Variants in FANCA observed in about 807,000 individuals in gnomAD.
FANCA encodes the protein FA complementation group A, also known as Fanconi anemia group A protein.
A neutral mutation model predicts 194.3 loss-of-function variants in FANCA; 236 were observed. The observed-to-expected ratio is 1.21, with a 90% CI of 1.09 to 1.35. The LOEUF (loss-of-function observed/expected upper bound fraction) is 1.35, where lower values mean the gene tolerates loss of function less well. Ranked by LOEUF, FANCA falls within the 40% of genes most tolerant of loss-of-function variation. The pLI is 0.00. For missense variants in FANCA, 2,628 were observed against 1,813.9 expected, an observed-to-expected ratio of 1.45 and a Z score of -8.15; for synonymous variants, 1,014 against 715.8, an observed-to-expected ratio of 1.42 and a Z score of -6.65.
At chr16:89,739,627 G>C in intron 39 of FANCA, 74 bp from the exon 40 acceptor site, 1 of 1,521,540 alleles carries the variant, frequency 6.6e-7, no homozygotes, top group East Asian at 2.5e-5. Context: ...CACCCCTGGG[G>C]GTCGGGACGT....
rs773381553 is a variant in FANCA, at chr16:89,761,992, G to C, written c.2809C>G (p.Leu937Val). The change falls in exon 29 of 43, where the codon CTG (leucine) becomes GTG (valine). Residue 937 changes from leucine (L) to valine (V), a missense_variant. Leu to Val is a conservative substitution (Grantham distance 32). Coordinates refer to ENST00000389301, the MANE Select transcript of FANCA (RefSeq NM_000135.4). ...GCATCAGCTTCAGGTTGAATTTCCA[G>C]CTCCAGGTGTAACCAGTCTTGGTAA... is the stretch of plus-strand genomic sequence containing the variant. ...LTYQDWLHLE[L>V]EIQPEADALS... is the part of the protein sequence containing the mutation. 5 of 1,613,910 alleles carry C rather than the reference G, an allele frequency of 3.1e-6. No individual in the cohort carries two copies. Among genetic ancestry groups the C allele is most frequent in the East Asian group, 2.2e-5 (1 of 44,898 alleles).
chr16:89,810,516 CA>C (rs951743833), intron 5 of FANCA, 190 bp downstream of exon 5: 1 of 604,086 alleles, frequency 1.7e-6, no homozygotes, highest in African/African-American at 1.9e-5. Context: ...TGAATAGGGA[CA>C]AAAAATGGCA....
At chr16:89,763,081 A>G (rs1247063698) in intron 28 of FANCA, among the ~76,000 whole-genome samples, 1 of 151,074 alleles carries the variant, frequency 6.6e-6, no homozygotes, top group Non-Finnish European at 1.5e-5. Flanking sequence ...CCCCATCTCT[A>G]CTAAAAATAC....
intron 10 of FANCA, among the ~76,000 whole-genome samples, chr16:89,797,901 T>G (rs2040302780): frequency 6.6e-6 from 1 of 151,710 alleles, no homozygotes; most frequent in African/African-American, 2.4e-5. Flanking sequence ...GTCTCAAAAA[T>G]AAATAAATAA....
chr16:89,774,313 C>T (rs1342420484), intron 21 of FANCA, among the ~76,000 whole-genome samples: 2 of 151,964 alleles, frequency 1.3e-5, no homozygotes, highest in Non-Finnish European at 2.9e-5. Context: ...ACAAGTGGAC[C>T]CCAGGGGAAG....
At chr16:89,749,216 TTTG>T (rs17233476) in intron 32 of FANCA, among the ~76,000 whole-genome samples, 27 of 152,016 alleles carry the variant, frequency 1.8e-4, no homozygotes, top group Non-Finnish European at 2.2e-4. Context: ...GCAGGAAGGT[TTTG>T]TTGTTGTTGT....
At chr16:89,803,142 T>C in intron 8 of FANCA, 117 bp downstream of exon 8, 1 of 997,950 alleles carries the variant, frequency 1.0e-6, no homozygotes, top group South Asian at 1.3e-5. Context: ...GTATCACATG[T>C]ACCCCGTAAA....
intron 15 of FANCA, among the ~76,000 whole-genome samples, chr16:89,783,777 T>G (rs2039804307): frequency 6.6e-6 from 1 of 151,994 alleles, no homozygotes; most frequent in Admixed American, 6.6e-5. Context: ...TGTTTTTTTC[T>G]TTTGAGAGGG....
chr16:89,775,321 C>T (rs1168882395), intron 21 of FANCA, among the ~76,000 whole-genome samples: 1 of 152,204 alleles, frequency 6.6e-6, no homozygotes, highest in Non-Finnish European at 1.5e-5. Context: ...GCCAAAAGAG[C>T]CTGACTTCTA....
chr16:89,739,774 G>T, intron 39 of FANCA: 1 of 1,474,296 alleles, frequency 6.8e-7, no homozygotes, highest in Non-Finnish European at 9.0e-7. Context: ...GCAGAGAGAG[G>T]CAGTCCCCAT....
chr16:89,783,508 G>A (rs2039792608), intron 15 of FANCA, among the ~76,000 whole-genome samples: 1 of 150,130 alleles, frequency 6.7e-6, no homozygotes, highest in African/African-American at 2.5e-5. Flanking sequence ...CCGAGATCGC[G>A]CCACTGCACT....
At chr16:89,766,142 G>A (rs574922742) in intron 27 of FANCA, among the ~76,000 whole-genome samples, 31 of 151,668 alleles carry the variant, frequency 2.0e-4, no homozygotes, top group Admixed American at 1.6e-3. Flanking sequence ...GATTACAGGC[G>A]TGCGCCACCA....
chr16:89,777,950 C>T (rs188267484), intron 20 of FANCA, among the ~76,000 whole-genome samples: 52 of 152,030 alleles, frequency 3.4e-4, no homozygotes, highest in South Asian at 1.9e-3. Context: ...TCGCTTGAGC[C>T]CAGGAGTTCA....
rs369086041 is a variant in FANCA, at chr16:89,737,777, C to T, written c.*824G>A. On this transcript the variant is annotated 3_prime_UTR_variant, in exon 43 of 43. Coordinates refer to ENST00000389301, the MANE Select transcript of FANCA (RefSeq NM_000135.4). Reference sequence around the variant, plus strand: ...CCCCGGGAGGTTGGAGCATCAGGGGCCTGGACTCACTGGACTCTCCCCTCT... The same window carrying T: ...CCCCGGGAGGTTGGAGCATCAGGGGTCTGGACTCACTGGACTCTCCCCTCT... 11 of 1,613,882 alleles carry T rather than the reference C, an allele frequency of 6.8e-6. No homozygotes were observed. The highest frequency in any genetic ancestry group is 9.3e-6 in the Non-Finnish European group (11 of 1,179,996).
chr16:89,740,910 G>C, intron 37 of FANCA, 44 bp from the exon 38 acceptor site: 3 of 1,522,006 alleles, frequency 2.0e-6, no homozygotes, highest in African/African-American at 1.4e-5. Flanking sequence ...AAAATTACCT[G>C]TGCTGTCATT....
At chr16:89,744,025 G>A (rs1443709629) in intron 36 of FANCA, among the ~76,000 whole-genome samples, 1 of 151,954 alleles carries the variant, frequency 6.6e-6, no homozygotes, top group Non-Finnish European at 1.5e-5. Context: ...AGCCTCCTGA[G>A]TAGCTGGGAC....
intron 15 of FANCA, among the ~76,000 whole-genome samples, chr16:89,784,280 G>A (rs1445389197): frequency 1.3e-5 from 2 of 151,786 alleles, no homozygotes; most frequent in Non-Finnish European, 2.9e-5. Context: ...GCTGAGGTGG[G>A]AGAACTGCTT....
chr16:89,745,208 C>CG, intron 35 of FANCA, 137 bp from the exon 36 acceptor site: 2 of 806,068 alleles, frequency 2.5e-6, no homozygotes, highest in Non-Finnish European at 4.1e-6. Context: ...AACTCCAAAG[C>CG]CAGTATTTTT....
In FANCA at chr16:89,759,845, C is replaced by G. The variant is rs142337471; in HGVS notation, c.2853-1140G>C. On this transcript the variant is annotated intron_variant, in intron 29 of 42. Transcript: ENST00000389301. The stretch of plus-strand genomic sequence containing the variant: ...AAAGAGCCACAACCAGGAAAACGCT[C>G]CACACGACCCTGCAAATGTGAGTGC... Among the ~76,000 whole-genome samples the G allele has an allele frequency of 2.7e-3, 418 of 152,334 alleles. 1 individual carries two copies. Among genetic ancestry groups the G allele is most frequent in the African/African-American group, 9.7e-3 (402 of 41,578 alleles).
Sources: allele counts gnomAD v4.1 joint callset (sites outside exome capture counted in the v4.1 genomes callset), GRCh38; gene constraint gnomAD v4.1.1; transcripts MANE v1.5; gene names NCBI Gene and HGNC (gene_info 2026-07-23, HGNC 2026-07-21).